Variants in PCDH15 observed in about 807,000 individuals in gnomAD.
PCDH15 encodes the protein protocadherin-15.
Under a neutral mutation model 178.5 loss-of-function variants are expected in PCDH15, and 129 were observed. That is an observed-to-expected ratio of 0.72 (90% CI 0.63 to 0.84). The LOEUF (loss-of-function observed/expected upper bound fraction) is 0.84. Among genes scored for constraint, PCDH15 ranks in the 40% least tolerant of loss-of-function variants. The probability of loss-of-function intolerance (pLI) is 0.00; values close to 1 mark genes in which losing one functional copy is unlikely to be tolerated. For missense variants in PCDH15, 2,230 were observed against 2,099.9 expected (o/e 1.06, Z -1.21); for synonymous variants, 800 against 732.0 (o/e 1.09, Z -1.50).
chr10:55,369,742 C>T (rs1318893650), intron 2 of PCDH15, among the ~76,000 whole-genome samples: 1 of 151,858 alleles, frequency 6.6e-6, no homozygotes, highest in African/African-American at 2.4e-5. Flanking sequence ...AATGCCTTGC[C>T]TTACTTATTC....
rs575684903 is a variant in PCDH15 at position 54,543,110 on chromosome 10, C to A, written c.92-15233G>T. On this transcript the variant is annotated intron_variant, in intron 2 of 37. Coordinates refer to ENST00000644397, the MANE Select transcript of PCDH15 (RefSeq NM_001384140.1). ...GAAGTTGGAGGAGAGCCGTGGCCCC[C>A]CAAAACTCCGAATGGCCCACTCCAA... Among the ~76,000 whole-genome samples the A allele has an allele frequency of 1.8e-4, 28 of 151,452 alleles. No homozygotes were observed. In the East Asian group the frequency reaches 5.3e-3, roughly 29 times the overall value.
rs187216032 is a variant in PCDH15, at chr10:55,066,462, C to T, written c.-80+100114G>A. On this transcript the variant is annotated intron_variant, in intron 2 of 5. Transcript: ENST00000458638. ...TTGATATGCAGTGTTCTCTGTATCA[C>T]ATTTTATAAATATTGTTCCTTTCTC... Among the ~76,000 whole-genome samples, 815 of 150,526 alleles carry T rather than the reference C, an allele frequency of 5.4e-3. 3 individuals carry two copies. The highest frequency in any genetic ancestry group is 9.5e-3 in the Non-Finnish European group (637 of 67,402).
At chr10:54,644,236 T>C (rs1051433848) in intron 2 of PCDH15, among the ~76,000 whole-genome samples, 3 of 150,792 alleles carry the variant, frequency 2.0e-5, no homozygotes, top group African/African-American at 2.4e-5. Context: ...AGTCAACAAA[T>C]AGATGAATTT....
chr10:54,194,610 A>ATATG (rs1554833243), intron 11 of PCDH15, among the ~76,000 whole-genome samples: 3 of 150,714 alleles, frequency 2.0e-5, no homozygotes, highest in East Asian at 3.9e-4. Context: ...TTTTATATAT[A>ATATG]TGTGTGTGTG....
intron 14 of PCDH15, among the ~76,000 whole-genome samples, chr10:54,144,113 C>T (rs2043664831): frequency 6.6e-6 from 1 of 151,844 alleles, no homozygotes. Context: ...TGCTGTGTTT[C>T]AGAAGAAAAT....
chr10:54,443,574 T>A (rs2075969518), intron 3 of PCDH15, among the ~76,000 whole-genome samples: 1 of 151,692 alleles, frequency 6.6e-6, no homozygotes, highest in South Asian at 2.1e-4. Context: ...CACTAGCACC[T>A]GTAAATAGAG....
At chr10:53,951,796 C>T (rs754575865) in intron 23 of PCDH15, among the ~76,000 whole-genome samples, 16 of 152,150 alleles carry the variant, frequency 1.1e-4, no homozygotes, top group Non-Finnish European at 2.2e-4. Context: ...CTTCTTCTAC[C>T]GGCCCAGATC....
intron 3 of PCDH15, among the ~76,000 whole-genome samples, chr10:54,457,765 T>A (rs916954974): frequency 3.3e-5 from 5 of 152,138 alleles, no homozygotes; most frequent in African/African-American, 1.2e-4. Flanking sequence ...AAAATGAAAA[T>A]TAGGAACACA....
chr10:53,973,203 A>G (rs901646156), intron 21 of PCDH15, among the ~76,000 whole-genome samples: 1 of 149,172 alleles, frequency 6.7e-6, no homozygotes, highest in East Asian at 2.0e-4. Flanking sequence ...AGATAACCAA[A>G]CACCACATGT....
chr10:54,522,384 C>T (rs1487928499), intron 3 of PCDH15, among the ~76,000 whole-genome samples: 2 of 152,138 alleles, frequency 1.3e-5, no homozygotes, highest in African/African-American at 4.8e-5. Flanking sequence ...ATCTTCTTGC[C>T]ATTTCTTAAA....
At position 55,298,451 on chromosome 10, in the gene PCDH15, C is replaced by T. The variant is rs190207349; in HGVS notation, c.-156+21148G>A. Among the ~76,000 whole-genome samples, 277 of 152,196 alleles carry T rather than the reference C, an allele frequency of 1.8e-3. 1 individual carries two copies. Among genetic ancestry groups the T allele is most frequent in the Non-Finnish European group, 3.3e-3 (222 of 68,004 alleles). ...CACAGATTCTGAGCATGGAAGTGAA[C>T]AGATCTAAGTTAGTGAAAATTGAAC... On this transcript the variant is annotated intron_variant, in intron 1 of 5. Transcript: ENST00000458638.
chr10:55,508,953 G>GCAAAA (rs1204685255), intron 2 of PCDH15, among the ~76,000 whole-genome samples: 2 of 151,092 alleles, frequency 1.3e-5, no homozygotes, highest in African/African-American at 2.4e-5. Context: ...GCAAAGCAAA[G>GCAAAA]CAAAACAAAA....
chr10:55,392,331 T>G (rs1463156391), intron 2 of PCDH15, among the ~76,000 whole-genome samples: 1 of 152,220 alleles, frequency 6.6e-6, no homozygotes, highest in Non-Finnish European at 1.5e-5. Context: ...AATGCAATAG[T>G]TGCAAAGTGC....
rs548670905 is a variant in PCDH15, at chr10:53,894,305, C to T, written c.3501+8938G>A. ...ACCCTCAGACACCTACATATGTTTG[C>T]TTTGTTCAAAGTACAAACCACACAA... On this transcript the variant is annotated intron_variant, in intron 26 of 37. Coordinates refer to ENST00000644397, the MANE Select transcript of PCDH15 (RefSeq NM_001384140.1). Among the ~76,000 whole-genome samples the T allele has an allele frequency of 3.3e-5, 5 of 152,226 alleles. No individual in the cohort carries two copies. In the South Asian group the frequency reaches 1.0e-3, roughly 32 times the overall value.
At chr10:55,199,305 T>C (rs544654590) in intron 1 of PCDH15, among the ~76,000 whole-genome samples, 1 of 152,246 alleles carries the variant, frequency 6.6e-6, no homozygotes, top group East Asian at 1.9e-4. Context: ...AGCAAAGAGA[T>C]TGGTGGCATT....
intron 2 of PCDH15, among the ~76,000 whole-genome samples, chr10:55,010,689 C>T (rs1438210299): frequency 6.6e-6 from 1 of 152,072 alleles, no homozygotes; most frequent in Non-Finnish European, 1.5e-5. Flanking sequence ...GTCTTATTCA[C>T]TACCCACATA....
At position 54,717,742 on chromosome 10, in the gene PCDH15, C is replaced by T. The variant is rs573036767; in HGVS notation, c.-28-53452G>A. Among the ~76,000 whole-genome samples, 25 of 141,784 alleles carry T rather than the reference C, an allele frequency of 1.8e-4. 1 individual carries two copies. The South Asian group carries it at 5.4e-3, about 31-fold the overall frequency. The allele number at this position is 141,784 out of a possible 152,430, so 93.0% of individuals were successfully genotyped here. ...TCTAGAACTGGAAATACCATTTGAC[C>T]CAGCCATCCCATTACTGGGTATATA... On this transcript the variant is annotated intron_variant, in intron 1 of 37. Coordinates refer to ENST00000644397, the MANE Select transcript of PCDH15 (RefSeq NM_001384140.1).
At chr10:54,447,486 T>G (rs551553579) in intron 3 of PCDH15, among the ~76,000 whole-genome samples, 15 of 151,816 alleles carry the variant, frequency 9.9e-5, no homozygotes, top group South Asian at 8.3e-4. Flanking sequence ...TTATGTCATG[T>G]TTGTTTTTAA....
At chr10:54,167,973 T>G (rs1001932317) in intron 13 of PCDH15, among the ~76,000 whole-genome samples, 2 of 149,356 alleles carry the variant, frequency 1.3e-5, no homozygotes. Flanking sequence ...TCTGTTTCCC[T>G]ACTCTCTCTT....
Sources: allele counts gnomAD v4.1 joint callset (sites outside exome capture counted in the v4.1 genomes callset), GRCh38; gene constraint gnomAD v4.1.1; transcripts MANE v1.5; gene names NCBI Gene and HGNC (gene_info 2026-07-23, HGNC 2026-07-21).